FAF2: variants seen among roughly 807,000 people sequenced by gnomAD.
The protein encoded by FAF2 is FAS-associated factor 2.
Under a neutral mutation model 62.3 loss-of-function variants are expected in FAF2, and 9 were observed. That is an observed-to-expected ratio of 0.14 (90% CI 0.09 to 0.25). FAF2 has a LOEUF of 0.25. Ranked by LOEUF, FAF2 falls within the 10% of genes least tolerant of loss-of-function variation. The pLI, the probability that FAF2 is intolerant of heterozygous loss-of-function variation, is 1.00. For synonymous variants in FAF2, 202 were observed against 198.0 expected (o/e 1.02, Z -0.17); for missense variants, 368 against 556.2 (o/e 0.66, Z 3.40).
At chr5:176,451,814 A>T in intron 1 of FAF2, among the ~76,000 whole-genome samples, 1 of 10,808 alleles carries the variant, frequency 9.3e-5, no homozygotes, top group Non-Finnish European at 1.7e-4. Flanking sequence ...ATATATACAC[A>T]CATATATATA....
Position 176,498,911 on chromosome 5 carries a change from C to T in FAF2, c.840-3C>T, listed in dbSNP as rs193190857. 447 of 1,586,254 alleles carry T rather than the reference C, an allele frequency of 2.8e-4. 4 individuals carry two copies. In the East Asian group the frequency reaches 9.5e-3, roughly 34 times the overall value. On this transcript the variant is annotated splice_polypyrimidine_tract_variant and splice_region_variant and intron_variant, in intron 8 of 10. Coordinates refer to ENST00000261942, the MANE Select transcript of FAF2 (RefSeq NM_014613.3). ...TCTTCTCTTGCTTTTGATCTATTCA[C>T]AGGGAAGAAAGAAACCAGACCCAAG...
chr5:176,505,961 C>T (rs1035581026), intron 10 of FAF2, among the ~76,000 whole-genome samples: 5 of 152,032 alleles, frequency 3.3e-5, no homozygotes, highest in African/African-American at 7.2e-5. Context: ...GAGGCCGAGA[C>T]GGGAGGATCA....
Position 176,451,882 on chromosome 5 carries a change from ATATATATATATTTTTT to A in FAF2, c.63+3414_63+3429del, listed in dbSNP as rs1758188853. On this transcript the variant is annotated intron_variant, in intron 1 of 10. Coordinates refer to ENST00000261942, the MANE Select transcript of FAF2 (RefSeq NM_014613.3). ...CACATATATATATACACACATATAT[ATATATATATATTTTTT>A]TTTTTTTTTTTTTTTTTTTTTTTGA... Among the ~76,000 whole-genome samples the A allele has an allele frequency of 9.3e-4, 23 of 24,666 alleles. 1 individual carries two copies. The highest frequency in any genetic ancestry group is 1.1e-3 in the Non-Finnish European group (16 of 14,040). The allele number at this position is 24,666 out of a possible 152,430, so 16.2% of individuals were successfully genotyped here.
intron 1 of FAF2, among the ~76,000 whole-genome samples, chr5:176,465,742 G>A (rs1018361225): frequency 6.6e-6 from 1 of 152,076 alleles, no homozygotes; most frequent in Admixed American, 6.6e-5. Flanking sequence ...TGCCTGTAAT[G>A]GGTACCTGGG....
rs116543817 is a variant in FAF2, at chr5:176,475,242, T to C, written c.64-3946T>C. Among the ~76,000 whole-genome samples, 88 of 152,180 alleles carry C rather than the reference T, an allele frequency of 5.8e-4. 1 individual carries two copies. The highest frequency in any genetic ancestry group is 2.1e-3 in the African/African-American group (86 of 41,534). On this transcript the variant is annotated intron_variant, in intron 1 of 10. Coordinates refer to ENST00000261942, the MANE Select transcript of FAF2 (RefSeq NM_014613.3). ...CTCCTCAGGCTCAGGTGATCCTGAA[T>C]AGATGATCCTTCTTGAGTAGCTGGG...
intron 1 of FAF2, among the ~76,000 whole-genome samples, chr5:176,463,876 C>T (rs1011217250): frequency 6.6e-6 from 1 of 151,790 alleles, no homozygotes. Context: ...ATTACAGGTG[C>T]TCACCACCAC....
At chr5:176,449,618 A>G (rs1280983512) in intron 1 of FAF2, among the ~76,000 whole-genome samples, 3 of 152,302 alleles carry the variant, frequency 2.0e-5, no homozygotes, top group South Asian at 2.1e-4. Flanking sequence ...CGGGAGATCA[A>G]ATGGACATAT....
intron 1 of FAF2, chr5:176,453,289 C>A (rs1758219603): frequency 6.6e-6 from 1 of 152,178 alleles, no homozygotes; most frequent in Non-Finnish European, 1.5e-5. Context: ...ATAGCAGACT[C>A]TCCTAGTGTC....
intron 1 of FAF2, among the ~76,000 whole-genome samples, chr5:176,452,127 G>A (rs1197669395): frequency 1.3e-5 from 2 of 150,860 alleles, no homozygotes; most frequent in East Asian, 2.0e-4. Flanking sequence ...GTGCGATCTC[G>A]GCTCACTGCA....
In FAF2 at chr5:176,448,435, A is replaced by T; in HGVS notation, c.28A>T (p.Thr10Ser). 1.9e-6 allele frequency: 3 copies of T among 1,607,540 alleles called. No homozygotes were observed. Among genetic ancestry groups the T allele is most frequent in the Non-Finnish European group, 2.5e-6 (3 of 1,177,248 alleles). Residue 10 changes from threonine (T) to serine (S), a missense_variant, in exon 1 of 11, where the codon ACC (threonine) becomes TCC (serine). Around this residue, in one of 2 missense-constraint regions of FAF2, gnomAD observed 331 missense variants for 441.9 expected, o/e 0.75. Coordinates refer to ENST00000261942, the MANE Select transcript of FAF2 (RefSeq NM_014613.3). ...GGCGGCGCCTGAGGAGCGGGATCTAACCCAGGAGCAGACAGAGAAGCTGCT... is the reference window on the plus strand; with the variant it reads ...GGCGGCGCCTGAGGAGCGGGATCTATCCCAGGAGCAGACAGAGAAGCTGCT... MAAPEERDL[T>S]QEQTEKLLQF... is the part of the protein sequence containing the mutation.
At chr5:176,461,336 T>TTA (rs397732322) in intron 1 of FAF2, among the ~76,000 whole-genome samples, 1 of 146,678 alleles carries the variant, frequency 6.8e-6, no homozygotes, top group African/African-American at 2.5e-5. Context: ...TTTTTTTTTT[T>TTA]GAGACAGGTT....
chr5:176,453,287 C>G (rs1039193885), intron 1 of FAF2: 1 of 152,174 alleles, frequency 6.6e-6, no homozygotes, highest in Non-Finnish European at 1.5e-5. Context: ...ATATAGCAGA[C>G]TCTCCTAGTG....
intron 10 of FAF2, among the ~76,000 whole-genome samples, chr5:176,505,316 C>T (rs1755657087): frequency 6.6e-6 from 1 of 152,152 alleles, no homozygotes; most frequent in Non-Finnish European, 1.5e-5. Flanking sequence ...GCATCTCACA[C>T]ACAGTTTAAG....
At chr5:176,487,259 G>A (rs574341075) in intron 3 of FAF2, among the ~76,000 whole-genome samples, 2 of 152,062 alleles carry the variant, frequency 1.3e-5, no homozygotes, top group South Asian at 2.1e-4. Flanking sequence ...ATCTTGGCTC[G>A]CTGCAGCCTA....
chr5:176,502,754 T>TA (rs939182211), intron 10 of FAF2, among the ~76,000 whole-genome samples: 2 of 150,268 alleles, frequency 1.3e-5, no homozygotes, highest in African/African-American at 4.9e-5. Flanking sequence ...AGCTGTTTTT[T>TA]AAAAAAGAGT....
At chr5:176,483,734 T>C (rs1282642520) in intron 2 of FAF2, among the ~76,000 whole-genome samples, 1 of 152,154 alleles carries the variant, frequency 6.6e-6, no homozygotes, top group Non-Finnish European at 1.5e-5. Flanking sequence ...ATGGTTATAG[T>C]TTATTATAGG....
At position 176,461,501 on chromosome 5, in the gene FAF2, T is replaced by A. The variant is rs906207397; in HGVS notation, c.63+13031T>A. Among the ~76,000 whole-genome samples, 114 of 151,516 alleles carry A rather than the reference T, an allele frequency of 7.5e-4. 1 individual carries two copies. Among genetic ancestry groups the A allele is most frequent in the African/African-American group, 2.3e-3 (96 of 41,344 alleles). ...CTGGGCTAATTTTTTTTATTTTATT[T>A]TTTTTTTTTAGAGATAGGGTCTTGC... is the stretch of plus-strand genomic sequence containing the variant. On this transcript the variant is annotated intron_variant, in intron 1 of 10. Coordinates refer to ENST00000261942, the MANE Select transcript of FAF2 (RefSeq NM_014613.3).
intron 2 of FAF2, among the ~76,000 whole-genome samples, chr5:176,479,620 T>C (rs1448259138): frequency 2.0e-5 from 3 of 152,222 alleles, no homozygotes; most frequent in Non-Finnish European, 4.4e-5. Context: ...ACTCTTCTCC[T>C]TGACCATTGA....
chr5:176,476,596 C>T (rs1042902038), intron 1 of FAF2, among the ~76,000 whole-genome samples: 9 of 149,298 alleles, frequency 6.0e-5, no homozygotes, highest in African/African-American at 2.0e-4. Context: ...CAGTCATTTG[C>T]ACACTGGGGA....
Sources: gnomAD v4.1 joint callset for allele counts (sites outside exome capture counted in the v4.1 genomes callset) on GRCh38, gnomAD v4.1.1 for gene constraint, gnomAD v4.1.1 regional missense constraint, MANE v1.5 for transcripts, NCBI Gene and HGNC (gene_info 2026-07-23, HGNC 2026-07-21) for gene names.